The following SEPTIN9 variants were observed in gnomAD, a reference collection of about 807,000 sequenced individuals.
The protein encoded by SEPTIN9 is septin-9.
A neutral mutation model predicts 56.6 loss-of-function variants in SEPTIN9; 13 were observed. The ratio of observed to expected loss-of-function variants is 0.23; its 90% confidence interval spans 0.15 to 0.37. SEPTIN9 has a LOEUF of 0.37. SEPTIN9 is among the 10% of genes least tolerant of loss of function. SEPTIN9 has a pLI of 1.00. For synonymous variants in SEPTIN9, 332 were observed against 334.1 expected, an observed-to-expected ratio of 0.99 and a Z score of 0.07; for missense variants, 650 against 823.1, an observed-to-expected ratio of 0.79 and a Z score of 2.57.
chr17:77,293,414 G>T (rs1274480602), intron 1 of SEPTIN9, among the ~76,000 whole-genome samples: 2 of 152,036 alleles, frequency 1.3e-5, no homozygotes, highest in East Asian at 3.9e-4. Flanking sequence ...CTCCTGCCTG[G>T]GCCTCCCAAA....
At chr17:77,373,167 C>T in intron 2 of SEPTIN9, 2 of 1,058,082 alleles carry the variant, frequency 1.9e-6, no homozygotes, top group Non-Finnish European at 2.3e-6. Context: ...GACTGTCCCC[C>T]AGCGGCCACT....
In SEPTIN9 at chr17:77,421,250, T is replaced by C. The variant is rs2036692143; in HGVS notation, c.721+18547T>C. On this transcript the variant is annotated intron_variant, in intron 3 of 11. Transcript: ENST00000427177. The surrounding 1 kb of genome is among the most constrained non-coding windows in gnomAD (Gnocchi z 4.6). ...AGTTAGAAGGTGTCCCCCTCTTCCTTCAGTCCCTCAGCTGCCCTGGATTTT... is the reference window on the plus strand; with the variant it reads ...AGTTAGAAGGTGTCCCCCTCTTCCTCCAGTCCCTCAGCTGCCCTGGATTTT... 6.6e-6 allele frequency among the ~76,000 whole-genome samples: 1 copy of C among 152,126 alleles called. No individual in the cohort carries two copies. The highest frequency in any genetic ancestry group is 2.1e-4 in the South Asian group (1 of 4,810).
intron 2 of SEPTIN9, among the ~76,000 whole-genome samples, chr17:77,385,612 CT>C (rs2035309703): frequency 6.6e-6 from 1 of 152,152 alleles, no homozygotes; most frequent in African/African-American, 2.4e-5. Flanking sequence ...TAATCTCCCC[CT>C]AGGATTGAGA....
chr17:77,322,668 A>C (rs774949165), intron 2 of SEPTIN9: 1 of 152,278 alleles, frequency 6.6e-6, no homozygotes, highest in African/African-American at 2.4e-5. Context: ...CGTCATCTGC[A>C]AGGTGAGGGG....
At chr17:77,484,658 G>T (rs2039622385) in intron 4 of SEPTIN9, among the ~76,000 whole-genome samples, 1 of 147,698 alleles carries the variant, frequency 6.8e-6, no homozygotes, top group African/African-American at 2.5e-5. Context: ...GGTGGTGGTG[G>T]TGATTGTGAT....
chr17:77,487,281 G>A lies in SEPTIN9; in HGVS notation c.914-143G>A. On this transcript the variant is annotated intron_variant, in intron 4 of 11. Coordinates refer to ENST00000427177, the MANE Select transcript of SEPTIN9 (RefSeq NM_001113491.2). This position sits in a 1 kb window ranked among gnomAD's most constrained non-coding sequence, Gnocchi z 4.3. ...AGGGTGAAGTCCTCGGGGGCTGCTT[G>A]GCAGGGATATTGCCGGGAGGTAGCC... 2.3e-6 allele frequency: 2 copies of A among 885,628 alleles called. No individual in the cohort carries two copies. Among genetic ancestry groups the A allele is most frequent in the East Asian group, 5.3e-5 (2 of 37,598 alleles). 54.9% of individuals were successfully genotyped at this position (885,628 alleles called of 1,614,324 possible). A position where few individuals can be genotyped will look rare whatever the true frequency, so the allele number is the denominator to read the frequency against.
At position 77,450,024 on chromosome 17, in the gene SEPTIN9, C is replaced by A. The variant is rs745316424; in HGVS notation, c.722-32120C>A. 6.6e-6 allele frequency among the ~76,000 whole-genome samples: 1 copy of A among 152,042 alleles called. No homozygotes were observed. The highest frequency in any genetic ancestry group is 2.4e-5 in the African/African-American group (1 of 41,438). The stretch of plus-strand genomic sequence containing the variant: ...CCCATTCAGATGGGAACAGGGACTC[C>A]GGGCATGCAGTCTTCTCCCAGACAC... On this transcript the variant is annotated intron_variant, in intron 3 of 11. Coordinates refer to ENST00000427177, the MANE Select transcript of SEPTIN9 (RefSeq NM_001113491.2). This position sits in a 1 kb window ranked among gnomAD's most constrained non-coding sequence, Gnocchi z 6.0.
In SEPTIN9 at chr17:77,437,389, A is replaced by G. The variant is rs928982703; in HGVS notation, c.721+34686A>G. Among the ~76,000 whole-genome samples, 1 of 151,818 alleles carries G rather than the reference A, an allele frequency of 6.6e-6. No homozygotes were observed. The highest frequency in any genetic ancestry group is 1.5e-5 in the Non-Finnish European group (1 of 67,978). The stretch of plus-strand genomic sequence containing the variant: ...GCTCCCTATGGGGAAGCCGGAATGG[A>G]CCTGGGCTCAGAGATTGTAAATTCA... On this transcript the variant is annotated intron_variant, in intron 3 of 11. Coordinates refer to ENST00000427177, the MANE Select transcript of SEPTIN9 (RefSeq NM_001113491.2). This position sits in a 1 kb window ranked among gnomAD's most constrained non-coding sequence, Gnocchi z 5.3.
At chr17:77,331,387 A>G (rs1292231541) in intron 2 of SEPTIN9, among the ~76,000 whole-genome samples, 1 of 150,150 alleles carries the variant, frequency 6.7e-6, no homozygotes, top group Non-Finnish European at 1.5e-5. Context: ...TGCCTGTGTG[A>G]TATGTTTGTC....
chr17:77,323,520 G>A lies in SEPTIN9; in HGVS notation c.76+16323G>A, dbSNP rs151254997. On this transcript the variant is annotated intron_variant, in intron 2 of 11. Transcript: ENST00000427177. This position sits in a 1 kb window ranked among gnomAD's most constrained non-coding sequence, Gnocchi z 6.8. Reference sequence around the variant, plus strand: ...TGTGCATGGTCATGAATGCAGGCCCGGGGTCCTGGAGGGGGCTTGGCCACG... The same window carrying A: ...TGTGCATGGTCATGAATGCAGGCCCAGGGTCCTGGAGGGGGCTTGGCCACG... Among the ~76,000 whole-genome samples the A allele has an allele frequency of 1.4e-4, 22 of 152,290 alleles. No homozygotes were observed. In the East Asian group the frequency reaches 4.3e-3, roughly 29 times the overall value.
chr17:77,312,023 C>T (rs2032513918), intron 2 of SEPTIN9, among the ~76,000 whole-genome samples: 1 of 152,176 alleles, frequency 6.6e-6, no homozygotes, highest in Admixed American at 6.5e-5. Context: ...CCCAGCACCC[C>T]CAGGTCTCAA....
intron 2 of SEPTIN9, among the ~76,000 whole-genome samples, chr17:77,340,195 C>T (rs2033683630): frequency 6.6e-6 from 1 of 151,838 alleles, no homozygotes; most frequent in Non-Finnish European, 1.5e-5. Context: ...GGCTGGAGTA[C>T]AGTGGCACGA....
chr17:77,405,001 C>A lies in SEPTIN9; in HGVS notation c.721+2298C>A, dbSNP rs1230419965. Reference sequence around the variant, plus strand: ...CCTTTGTTTGACGTGCCGGATACACCCCCATCCTGGGTTGATGTGTTCACA... The same window carrying A: ...CCTTTGTTTGACGTGCCGGATACACACCCATCCTGGGTTGATGTGTTCACA... On this transcript the variant is annotated intron_variant, in intron 3 of 11. Transcript: ENST00000427177. This position sits in a 1 kb window ranked among gnomAD's most constrained non-coding sequence, Gnocchi z 5.8. 1 of 1,330,708 alleles carries A rather than the reference C, an allele frequency of 7.5e-7. No individual in the cohort carries two copies. The allele number at this position is 1,330,708 out of a possible 1,614,324, so 82.4% of individuals were successfully genotyped here.
At chr17:77,480,301 C>T (rs986475940) in intron 3 of SEPTIN9, among the ~76,000 whole-genome samples, 5 of 152,208 alleles carry the variant, frequency 3.3e-5, no homozygotes, top group African/African-American at 4.8e-5. Flanking sequence ...TTCTGGCTTC[C>T]AGAGTCTTTT....
Position 77,319,445 on chromosome 17 carries a change from C to A in SEPTIN9, c.76+12248C>A. ...ACGGCTAGAGACTCACTGACTCATG[C>A]GTGTGTGGTAGGAATCTTCCAGGAA... On this transcript the variant is annotated intron_variant, in intron 2 of 11. Transcript: ENST00000427177. The surrounding 1 kb of genome is among the most constrained non-coding windows in gnomAD (Gnocchi z 5.3). The A allele has an allele frequency of 3.3e-6, 2 of 611,276 alleles. No individual in the cohort carries two copies. Among genetic ancestry groups the A allele is most frequent in the South Asian group, 7.5e-5 (1 of 13,338 alleles). 37.9% of individuals were successfully genotyped at this position (611,276 alleles called of 1,614,324 possible).
chr17:77,314,524 A>G (rs923359265), intron 2 of SEPTIN9, among the ~76,000 whole-genome samples: 4 of 151,972 alleles, frequency 2.6e-5, no homozygotes, highest in African/African-American at 9.7e-5. Context: ...TGCGTCCTCT[A>G]TAGCTTGGCG....
intron 2 of SEPTIN9, among the ~76,000 whole-genome samples, chr17:77,394,405 T>C (rs1048724654): frequency 2.8e-4 from 42 of 152,310 alleles, no homozygotes; most frequent in African/African-American, 8.7e-4. Flanking sequence ...GCACCATCTG[T>C]CCGGCTTCCC....
intron 4 of SEPTIN9, among the ~76,000 whole-genome samples, chr17:77,485,310 A>T (rs1324356621): frequency 9.1e-6 from 1 of 110,064 alleles, no homozygotes; most frequent in African/African-American, 4.1e-5. Context: ...TGATGTTAGT[A>T]GTGGTGGTGA....
intron 2 of SEPTIN9, among the ~76,000 whole-genome samples, chr17:77,336,055 A>G (rs182740541): frequency 5.6e-5 from 2 of 35,560 alleles, no homozygotes; most frequent in Admixed American, 6.6e-4. Context: ...CTATATTAGT[A>G]TATGTACTGT....
Sources: allele counts gnomAD v4.1 joint callset (sites outside exome capture counted in the v4.1 genomes callset), GRCh38; gene constraint gnomAD v4.1.1; non-coding constraint Gnocchi (gnomAD v3.1); transcripts MANE v1.5; gene names NCBI Gene and HGNC (gene_info 2026-07-23, HGNC 2026-07-21).